Variants in VPS13D observed in about 807,000 individuals in gnomAD.
The protein encoded by VPS13D is vacuolar protein sorting 13 homolog D.
In VPS13D, 187 loss-of-function variants were observed where a neutral mutation model predicts 461.9. That is an observed-to-expected ratio of 0.40 (90% CI 0.36 to 0.46). VPS13D has a LOEUF of 0.46. VPS13D is among the 20% of genes least tolerant of loss of function. The pLI is 0.60. For missense variants in VPS13D, 4,711 were observed against 5,364.9 expected (o/e 0.88, Z 3.81); for synonymous variants, 1,951 against 1,986.3 (o/e 0.98, Z 0.47).
chr1:12,509,245 G>T lies in VPS13D; in HGVS notation c.*221G>T. ...AGATTATGGGAAATAATTTTTAAAG[G>T]TATTGGTTAAATAACGTTTAAAAAC... is the stretch of plus-strand genomic sequence containing the variant. On this transcript the variant is annotated 3_prime_UTR_variant, in exon 70 of 70. Transcript: ENST00000620676. 1 of 554,472 alleles carries T rather than the reference G, an allele frequency of 1.8e-6. No homozygotes were observed. The highest frequency in any genetic ancestry group is 3.0e-6 in the Non-Finnish European group (1 of 330,504). The allele number at this position is 554,472 out of a possible 1,614,324, so 34.3% of individuals were successfully genotyped here.
At chr1:12,479,279 T>C (rs1361743111) in intron 67 of VPS13D, among the ~76,000 whole-genome samples, 1 of 152,196 alleles carries the variant, frequency 6.6e-6, no homozygotes, top group Non-Finnish European at 1.5e-5. Context: ...GAAGGGGTAG[T>C]TTAGTCCTGT....
At chr1:12,286,202 C>T (rs548612536) in intron 21 of VPS13D, among the ~76,000 whole-genome samples, 3 of 152,194 alleles carry the variant, frequency 2.0e-5, no homozygotes, top group East Asian at 1.9e-4. Context: ...CTCAGTCCCT[C>T]GAGTAGCTGG....
chr1:12,349,190 C>T lies in VPS13D; in HGVS notation c.9247C>T (p.Pro3083Ser), dbSNP rs1643742303. ...GCCAGTGGTGCTTCCTGCTATCATG[C>T]CAGGGGATTCGTTTGCTGTGCCTTT... The part of the protein sequence containing the change: ...DKPVVLPAIM[P>S]GDSFAVPLHL... Residue 3083 changes from proline (P) to serine (S), a missense_variant, in exon 46 of 70, where the codon CCA becomes TCA. By Grantham distance (74) the Pro-to-Ser change is moderately conservative. Around this residue, in one of 3 missense-constraint regions of VPS13D, gnomAD observed 4,411 missense variants for 4,937.8 expected, o/e 0.89. Coordinates refer to ENST00000620676, the MANE Select transcript of VPS13D (RefSeq NM_015378.4). 6.2e-7 allele frequency: 1 copy of T among 1,613,794 alleles called. No individual in the cohort carries two copies. Among genetic ancestry groups the T allele is most frequent in the African/African-American group, 1.3e-5 (1 of 74,918 alleles).
intron 65 of VPS13D, among the ~76,000 whole-genome samples, chr1:12,454,197 CG>C (rs1292122715): frequency 1.3e-5 from 2 of 152,254 alleles, no homozygotes; most frequent in East Asian, 3.9e-4. Context: ...TAGGTGACCT[CG>C]CTCAGGGTCA....
At position 12,257,002 on chromosome 1, in the gene VPS13D, A is replaced by T. The variant is rs931864324; in HGVS notation, c.856A>T (p.Ile286Phe). 1.2e-6 allele frequency: 2 copies of T among 1,614,076 alleles called. No individual in the cohort carries two copies. Among genetic ancestry groups the T allele is most frequent in the Non-Finnish European group, 1.7e-6 (2 of 1,180,044 alleles). The part of the protein sequence containing the change: ...LKLSQLQYRQ[I>F]MEFLKELERK... ...TAATACAAAGCTGCAATACCGGCAAATCATGGAATTCCTCAAGGAGCTGGA... is the reference window on the plus strand; with the variant it reads ...TAATACAAAGCTGCAATACCGGCAATTCATGGAATTCCTCAAGGAGCTGGA... Residue 286 changes from isoleucine (I) to phenylalanine (F), a missense_variant, in exon 9 of 70, where the codon ATC (isoleucine) becomes TTC (phenylalanine). Ile to Phe is a conservative substitution (Grantham distance 21, BLOSUM62 0). Around this residue, in one of 3 missense-constraint regions of VPS13D, gnomAD observed 4,411 missense variants for 4,937.8 expected, o/e 0.89. Coordinates refer to ENST00000620676, the MANE Select transcript of VPS13D (RefSeq NM_015378.4).
At chr1:12,335,923 G>A (rs1325545785) in intron 39 of VPS13D, 96 bp downstream of exon 39, 3 of 1,559,360 alleles carry the variant, frequency 1.9e-6, no homozygotes, top group Non-Finnish European at 2.6e-6. Flanking sequence ...ATTCTGCGTG[G>A]AAAAACCTAC....
In VPS13D at chr1:12,318,092, G is replaced by A; in HGVS notation, c.7169G>A (p.Cys2390Tyr). The A allele has an allele frequency of 6.2e-7, 1 of 1,612,738 alleles. No homozygotes were observed. The highest frequency in any genetic ancestry group is 1.1e-5 in the South Asian group (1 of 91,012). ...LHFRSTKDSS[C>Y]FTVVLNNLRV... The stretch of plus-strand genomic sequence containing the variant: ...TATAGATCTACCAAGGATTCCTCCT[G>A]CTTTACAGTAGTTCTCAACAATCTC... Residue 2390 changes from cysteine to tyrosine, a missense_variant, in exon 31 of 70, where the codon TGC (cysteine) becomes TAC (tyrosine). Cys to Tyr is a radical substitution (Grantham distance 194). Around this residue, in one of 3 missense-constraint regions of VPS13D, gnomAD observed 4,411 missense variants for 4,937.8 expected, o/e 0.89. Coordinates refer to ENST00000620676, the MANE Select transcript of VPS13D (RefSeq NM_015378.4).
chr1:12,330,567 AT>A, intron 37 of VPS13D, among the ~76,000 whole-genome samples: 1 of 151,848 alleles, frequency 6.6e-6, no homozygotes, highest in Non-Finnish European at 1.5e-5. Context: ...GCCCACAAGC[AT>A]TTTTTTGTTT....
intron 21 of VPS13D, among the ~76,000 whole-genome samples, chr1:12,286,384 A>C (rs1484235554): frequency 6.6e-6 from 1 of 152,196 alleles, no homozygotes; most frequent in African/African-American, 2.4e-5. Flanking sequence ...AGCCTGATGC[A>C]TGAATATTTT....
intron 40 of VPS13D, among the ~76,000 whole-genome samples, chr1:12,338,917 T>C (rs191679281): frequency 5.1e-4 from 78 of 152,314 alleles, no homozygotes; most frequent in African/African-American, 1.8e-3. Context: ...CATTGAGGAA[T>C]TGGAGTCCCA....
In VPS13D at chr1:12,277,849, C is replaced by A; in HGVS notation, c.4261C>A (p.Arg1421Ser). Residue 1421 changes from arginine to serine, a missense_variant, in exon 19 of 70, where the codon CGT (arginine) becomes AGT (serine). Physicochemically the swap from Arg to Ser is moderately radical, Grantham distance 110. Coordinates refer to ENST00000620676, the MANE Select transcript of VPS13D (RefSeq NM_015378.4). The part of the protein sequence containing the change: ...VAGDDESRSD[R>S]LQVEIKDIKL... ...GGGAGATGATGAATCCAGAAGTGAC[C>A]GTCTGCAGGTGGAAATCAAGGACAT... is the stretch of plus-strand genomic sequence containing the variant. 1 of 1,614,062 alleles carries A rather than the reference C, an allele frequency of 6.2e-7. No individual in the cohort carries two copies. The highest frequency in any genetic ancestry group is 8.5e-7 in the Non-Finnish European group (1 of 1,180,022).
chr1:12,416,811 C>G lies in VPS13D; in HGVS notation c.12317C>G (p.Ser4106Ter). 6.2e-7 allele frequency: 1 copy of G among 1,611,986 alleles called. No individual in the cohort carries two copies. Among genetic ancestry groups the G allele is most frequent in the Non-Finnish European group, 8.5e-7 (1 of 1,179,266 alleles). Residue 4106 changes from serine (S) to a stop codon, truncating the protein, a stop_gained, in exon 65 of 70, where the codon TCA becomes TGA. Coordinates refer to ENST00000620676, the MANE Select transcript of VPS13D (RefSeq NM_015378.4). LOFTEE classifies it high-confidence loss of function. Reference protein sequence around the residue: ...GLIRNVTHGVSNSAAKFAGTL... With the variant: ...GLIRNVTHGV ...ATCAGAAATGTTACACACGGAGTAT[C>G]AAACTCTGCTGCCAAGGTAAGGAAA...
chr1:12,489,320 A>G (rs1192177395), intron 67 of VPS13D, among the ~76,000 whole-genome samples: 1 of 152,222 alleles, frequency 6.6e-6, no homozygotes, highest in Non-Finnish European at 1.5e-5. Context: ...TGACCCCTAT[A>G]AACAAGTCAG....
At chr1:12,327,896 C>G (rs751830831) in intron 36 of VPS13D, 42 bp downstream of exon 36, 1 of 1,584,720 alleles carries the variant, frequency 6.3e-7, no homozygotes, top group South Asian at 1.2e-5. Flanking sequence ...TGAATATTTC[C>G]AGTCATTGCT....
intron 66 of VPS13D, among the ~76,000 whole-genome samples, chr1:12,457,147 C>T (rs960867836): frequency 1.6e-4 from 25 of 152,200 alleles, no homozygotes; most frequent in African/African-American, 3.1e-4. Flanking sequence ...TTTCTTAGTA[C>T]GGCATCCAAG....
chr1:12,502,640 CG>C lies in VPS13D; in HGVS notation c.12795-4212del, dbSNP rs1391347141. On this transcript the variant is annotated intron_variant, in intron 68 of 69. Coordinates refer to ENST00000620676, the MANE Select transcript of VPS13D (RefSeq NM_015378.4). This position sits in a 1 kb window ranked among gnomAD's most constrained non-coding sequence, Gnocchi z 4.3. Reference sequence around the variant, plus strand: ...ATCAGGTATATAAATGAGTTAATATCGAAAAAAAAAAAAAAGAGCAGGAGGA... The same window carrying C: ...ATCAGGTATATAAATGAGTTAATATCAAAAAAAAAAAAAAGAGCAGGAGGA... Among the ~76,000 whole-genome samples, 6 of 129,910 alleles carry C rather than the reference CG, an allele frequency of 4.6e-5. No individual in the cohort carries two copies. The highest frequency in any genetic ancestry group is 9.3e-5 in the Non-Finnish European group (6 of 64,314). 85.2% of individuals were successfully genotyped at this position (129,910 alleles called of 152,430 possible).
intron 18 of VPS13D, among the ~76,000 whole-genome samples, chr1:12,274,087 C>G (rs764332855): frequency 6.6e-6 from 1 of 152,152 alleles, no homozygotes; most frequent in Non-Finnish European, 1.5e-5. Flanking sequence ...GTCGCCCAGG[C>G]TGGAGTGTGG....
chr1:12,417,126 A>C (rs922693414), intron 65 of VPS13D, among the ~76,000 whole-genome samples: 1 of 152,070 alleles, frequency 6.6e-6, no homozygotes, highest in Admixed American at 6.5e-5. Flanking sequence ...GATGACCCCT[A>C]CACCTTTCAC....
At position 12,299,313 on chromosome 1, in the gene VPS13D, T is replaced by C. The variant is rs772840798; in HGVS notation, c.6145T>C (p.Leu2049=). ...SRSNNLIVAN[L]GKLKVKNKFL... is the part of the protein sequence containing the mutation. ...ATCAAATAATCTGATTGTAGCAAAT[T>C]TGGGGAAGTTGAAAGTCAAAAATAA... The change falls in exon 25 of 70, where the codon TTG becomes CTG. Residue 2049 remains leucine, a synonymous_variant. Transcript: ENST00000620676. The surrounding 1 kb of genome is among the most constrained non-coding windows in gnomAD (Gnocchi z 4.2). 1 of 1,613,934 alleles carries C rather than the reference T, an allele frequency of 6.2e-7. No homozygotes were observed. Among genetic ancestry groups the C allele is most frequent in the Non-Finnish European group, 8.5e-7 (1 of 1,179,976 alleles).
Sources: allele counts gnomAD v4.1 joint callset (sites outside exome capture counted in the v4.1 genomes callset), GRCh38; gene constraint gnomAD v4.1.1; regional missense constraint gnomAD v4.1.1; non-coding constraint Gnocchi (gnomAD v3.1); transcripts MANE v1.5; gene names NCBI Gene and HGNC (gene_info 2026-07-23, HGNC 2026-07-21).